SAMTOR: variants seen among roughly 807,000 people sequenced by gnomAD.
SAMTOR encodes the protein S-adenosylmethionine sensor upstream of mTORC1, also known as UPF0532 protein C7orf60.
chr7:112,896,199 G>A, the SAMTOR span, among the ~76,000 whole-genome samples: 6 of 152,034 alleles, frequency 3.9e-5, no homozygotes, highest in African/African-American at 7.2e-5. Context: ...GCGTGCACGC[G>A]CGCACGCGCG....
At chr7:112,843,719 A>G in the SAMTOR span, among the ~76,000 whole-genome samples, 1 of 151,960 alleles carries the variant, frequency 6.6e-6, no homozygotes, top group Non-Finnish European at 1.5e-5. Context: ...AGAATTCTAC[A>G]AAGAGCTGGT....
chr7:112,882,168 T>C, the SAMTOR span, among the ~76,000 whole-genome samples: 2 of 152,210 alleles, frequency 1.3e-5, no homozygotes, highest in Admixed American at 6.5e-5. Flanking sequence ...CGCCTGGCTG[T>C]GTGCAGTGGC....
At chr7:112,827,240 G>A in the SAMTOR span, among the ~76,000 whole-genome samples, 1 of 152,050 alleles carries the variant, frequency 6.6e-6, no homozygotes, top group Admixed American at 6.6e-5. Flanking sequence ...GCCAGTCTTT[G>A]CCTTTCAATT....
chr7:112,853,224 A>AGAATTTATAGCC, the SAMTOR span, among the ~76,000 whole-genome samples: 7 of 152,068 alleles, frequency 4.6e-5, no homozygotes, highest in Admixed American at 4.6e-4. Context: ...TTATAACTTA[A>AGAATTTATAGCC]CTTATAACTT....
At chr7:112,831,384 C>A in the SAMTOR span, among the ~76,000 whole-genome samples, 1 of 152,192 alleles carries the variant, frequency 6.6e-6, no homozygotes, top group Non-Finnish European at 1.5e-5. Context: ...TGGCTGGGTG[C>A]AGTAGCTCAT....
At chr7:112,935,075 C>T in the SAMTOR span, 1 of 254,164 alleles carries the variant, frequency 3.9e-6, no homozygotes, top group Non-Finnish European at 7.8e-6. Context: ...CTGTGACAAC[C>T]TTCACCTTAT....
chr7:112,843,539 T>C, the SAMTOR span, among the ~76,000 whole-genome samples: 4 of 151,990 alleles, frequency 2.6e-5, no homozygotes, highest in Admixed American at 1.3e-4. Flanking sequence ...ACTAGAAAAC[T>C]AGAAGAGACC....
chr7:112,863,829 C>G, the SAMTOR span, among the ~76,000 whole-genome samples: 1 of 152,238 alleles, frequency 6.6e-6, no homozygotes, highest in East Asian at 1.9e-4. Context: ...TAAACTAGTT[C>G]AACCATTGTG....
the SAMTOR span, among the ~76,000 whole-genome samples, chr7:112,914,792 T>A: frequency 6.6e-5 from 10 of 152,148 alleles, no homozygotes; most frequent in Admixed American, 6.5e-4. Context: ...ACAAAACAAG[T>A]GTGTCAAAAG....
the SAMTOR span, among the ~76,000 whole-genome samples, chr7:112,855,176 TTCTATA>T: frequency 1.3e-5 from 2 of 152,222 alleles, no homozygotes; most frequent in Non-Finnish European, 2.9e-5. Context: ...TACTTATGCT[TTCTATA>T]TCTAATATAG....
chr7:112,906,907 T>C, the SAMTOR span, among the ~76,000 whole-genome samples: 2 of 152,198 alleles, frequency 1.3e-5, no homozygotes, highest in African/African-American at 2.4e-5. Flanking sequence ...CTCAACATTA[T>C]TGAGATATCT....
the SAMTOR span, among the ~76,000 whole-genome samples, chr7:112,922,653 A>G: frequency 6.4e-5 from 9 of 140,974 alleles, no homozygotes; most frequent in African/African-American, 2.2e-4. Context: ...CCATGACCCC[A>G]TCTGGGAGGT....
the SAMTOR span, among the ~76,000 whole-genome samples, chr7:112,851,861 C>G: frequency 6.6e-6 from 1 of 152,090 alleles, no homozygotes; most frequent in Non-Finnish European, 1.5e-5. Flanking sequence ...AGACATTCTT[C>G]CAAAGAAGAC....
At chr7:112,916,597 C>T in the SAMTOR span, among the ~76,000 whole-genome samples, 50 of 152,120 alleles carry the variant, frequency 3.3e-4, no homozygotes, top group Non-Finnish European at 5.3e-4. Context: ...GGGTGCAGGA[C>T]GGTGGGTGCA....
the SAMTOR span, chr7:112,915,245 A>G: frequency 8.6e-6 from 13 of 1,507,206 alleles, no homozygotes; most frequent in East Asian, 3.2e-4. Flanking sequence ...TCAGGAAAAA[A>G]AAAAAAGAAG....
the SAMTOR span, among the ~76,000 whole-genome samples, chr7:112,909,815 A>T: frequency 6.6e-6 from 1 of 151,594 alleles, no homozygotes; most frequent in East Asian, 1.9e-4. Context: ...ATAATATTAA[A>T]CTGGAGTGGA....
the SAMTOR span, among the ~76,000 whole-genome samples, chr7:112,921,914 G>C: frequency 1.3e-5 from 2 of 151,370 alleles, no homozygotes; most frequent in African/African-American, 4.9e-5. Context: ...ACTTAGAATG[G>C]TTATCATTAA....
At chr7:112,904,251 A>G in the SAMTOR span, among the ~76,000 whole-genome samples, 1 of 152,178 alleles carries the variant, frequency 6.6e-6, no homozygotes, top group Non-Finnish European at 1.5e-5. Flanking sequence ...CTTTTTAATT[A>G]TACATGGAAT....
At chr7:112,839,917 G>C in the SAMTOR span, among the ~76,000 whole-genome samples, 4 of 151,978 alleles carry the variant, frequency 2.6e-5, no homozygotes, top group African/African-American at 9.6e-5. Flanking sequence ...AAAGCCTCAT[G>C]TTTTGGATAT....
Sources: allele counts gnomAD v4.1 joint callset (sites outside exome capture counted in the v4.1 genomes callset), GRCh38; gene constraint gnomAD v4.1.1; transcripts MANE v1.5; gene names NCBI Gene and HGNC (gene_info 2026-07-23, HGNC 2026-07-21).